COL5A3: variants seen among roughly 807,000 people sequenced by gnomAD.
The protein encoded by COL5A3 is collagen type V alpha 3 chain, also known as collagen alpha-3(V) chain.
A neutral mutation model predicts 250.0 loss-of-function variants in COL5A3; 172 were observed. The observed-to-expected ratio is 0.69, with a 90% CI of 0.61 to 0.78. COL5A3 has a LOEUF of 0.78. COL5A3 is among the 30% of genes least tolerant of loss of function. The pLI is 0.00. For synonymous variants in COL5A3, 937 were observed against 900.4 expected (o/e 1.04, Z -0.73); for missense variants, 2,340 against 2,334.4 (o/e 1.00, Z -0.05).
At chr19:9,963,561 T>TTGGGGGGGGGG (rs1555733032) in intron 64 of COL5A3, among the ~76,000 whole-genome samples, 1 of 40,120 alleles carries the variant, frequency 2.5e-5, no homozygotes, top group African/African-American at 8.0e-5. Context: ...CTGTTTTTTT[T>TTGGGGGGGGGG]GGGGGGGGGG....
intron 8 of COL5A3, among the ~76,000 whole-genome samples, chr19:10,000,079 C>T (rs1345493122): frequency 6.6e-6 from 1 of 151,824 alleles, no homozygotes; most frequent in Non-Finnish European, 1.5e-5. Flanking sequence ...TTGATCTCTA[C>T]CCTCTTCTCT....
Position 9,960,156 on chromosome 19 carries a change from G to T in COL5A3, c.*255C>A. ...AGGGGTGGGGAGGTGAGGCTTGGGT[G>T]GGGAGGGAGGGGAGAAAGAGCCAGA... On this transcript the variant is annotated 3_prime_UTR_variant, in exon 67 of 67. Transcript: ENST00000264828. 1 of 535,128 alleles carries T rather than the reference G, an allele frequency of 1.9e-6. No homozygotes were observed. Among genetic ancestry groups the T allele is most frequent in the Non-Finnish European group, 3.4e-6 (1 of 298,074 alleles). 33.1% of individuals were successfully genotyped at this position (535,128 alleles called of 1,614,324 possible). A position where few individuals can be genotyped will look rare whatever the true frequency, so the allele number is the denominator to read the frequency against.
chr19:10,003,460 G>A, intron 6 of COL5A3, 105 bp downstream of exon 6: 1 of 1,123,544 alleles, frequency 8.9e-7, no homozygotes, highest in East Asian at 2.4e-5. Flanking sequence ...CCAGAGATTA[G>A]TAGAGATGGG....
Position 9,974,409 on chromosome 19 carries a change from C to G in COL5A3, c.3343-1G>C, listed in dbSNP as rs754098596. On this transcript the variant is annotated splice_acceptor_variant, in intron 45 of 66. Transcript: ENST00000264828. LOFTEE classifies it high-confidence loss of function. The stretch of plus-strand genomic sequence containing the variant: ...GGCGCCCCTGAGCCCCGTCTGCTCC[C>G]TGGAAGAACACAAACAGGGGCACAT... 2.5e-6 allele frequency: 4 copies of G among 1,582,752 alleles called. No individual in the cohort carries two copies. Among genetic ancestry groups the G allele is most frequent in the Non-Finnish European group, 2.6e-6 (3 of 1,167,808 alleles).
rs748724681 is a variant in COL5A3 at position 9,970,671 on chromosome 19, G to A, written c.3887C>T (p.Pro1296Leu). 1.9e-5 allele frequency: 28 copies of A among 1,436,912 alleles called. No individual in the cohort carries two copies. The East Asian group carries it at 3.2e-4, about 16-fold the overall frequency. The allele number at this position is 1,436,912 out of a possible 1,614,324, so 89.0% of individuals were successfully genotyped here. The change falls in exon 54 of 67, where the codon CCG becomes CTG. Residue 1296 changes from proline to leucine, a missense_variant. This residue lies in a region of COL5A3 where 1,179 missense variants were observed against 1,162.6 expected (regional missense o/e 1.01). Coordinates refer to ENST00000264828, the MANE Select transcript of COL5A3 (RefSeq NM_015719.4). ...GDPGDVGGPG[P>L]PGASGEPGAP... ...GCCGGGCTCCCCAGAAGCTCCAGGC[G>A]GACCCTGGAGGAGACAAGGACACCA...
rs1157492119 is a variant in COL5A3, at chr19:9,967,407, G to A, written c.4405-7C>T. On this transcript the variant is annotated splice_region_variant and splice_polypyrimidine_tract_variant and intron_variant, in intron 61 of 66. Coordinates refer to ENST00000264828, the MANE Select transcript of COL5A3 (RefSeq NM_015719.4). ...CACGGGGGCCCATGGACCCCTGTAG[G>A]GAGAAGTCACTTGGAGAATGAACCC... 2.0e-6 allele frequency: 3 copies of A among 1,500,248 alleles called. No individual in the cohort carries two copies. Among genetic ancestry groups the A allele is most frequent in the Non-Finnish European group, 1.8e-6 (2 of 1,133,046 alleles). 92.9% of individuals were successfully genotyped at this position (1,500,248 alleles called of 1,614,324 possible).
At chr19:9,992,299 C>G (rs775658202) in intron 21 of COL5A3, among the ~76,000 whole-genome samples, 1 of 152,030 alleles carries the variant, frequency 6.6e-6, no homozygotes, top group African/African-American at 2.4e-5. Context: ...ATCTCAGCTA[C>G]TCAGGAGGCT....
At chr19:9,980,274 G>A (rs1194975069) in intron 35 of COL5A3, among the ~76,000 whole-genome samples, 1 of 152,226 alleles carries the variant, frequency 6.6e-6, no homozygotes, top group East Asian at 1.9e-4. Context: ...GCACAGAGTG[G>A]TTAAGTGACT....
chr19:10,003,725 G>T lies in COL5A3; in HGVS notation c.700-11C>A. 6.2e-7 allele frequency: 1 copy of T among 1,613,902 alleles called. No individual in the cohort carries two copies. ...TTCACCCTGGGGAGCCTGGGAGAAG[G>T]GTTCCAGTCAGGTCTAGAGCATCCC... On this transcript the variant is annotated splice_polypyrimidine_tract_variant and intron_variant, in intron 5 of 66. Coordinates refer to ENST00000264828, the MANE Select transcript of COL5A3 (RefSeq NM_015719.4).
At chr19:9,978,773 C>T (rs1473708918) in intron 40 of COL5A3, 118 bp downstream of exon 40, 2 of 935,712 alleles carry the variant, frequency 2.1e-6, no homozygotes, top group African/African-American at 1.7e-5. Context: ...GTTCCCTCCA[C>T]CATTTTTTTT....
At chr19:9,970,340 G>A (rs1472408098) in intron 54 of COL5A3, among the ~76,000 whole-genome samples, 80 of 97,224 alleles carry the variant, frequency 8.2e-4, no homozygotes, top group Non-Finnish European at 1.0e-3. Flanking sequence ...GTCTGTGGGT[G>A]AGTGTGTTCT....
chr19:9,985,075 G>T (rs1320267397), intron 31 of COL5A3, among the ~76,000 whole-genome samples: 2 of 149,206 alleles, frequency 1.3e-5, no homozygotes, highest in Non-Finnish European at 3.0e-5. Flanking sequence ...CAGCCTCTTG[G>T]GTAGCTGGGA....
At chr19:9,998,690 CTTT>C (rs112231822) in intron 8 of COL5A3, among the ~76,000 whole-genome samples, 5 of 144,998 alleles carry the variant, frequency 3.4e-5, no homozygotes, top group African/African-American at 1.0e-4. Flanking sequence ...TTTCTTTCTT[CTTT>C]TTTTTTTTTT....
At chr19:9,979,500 C>G in intron 37 of COL5A3, 83 bp from the exon 38 acceptor site, 4 of 1,469,914 alleles carry the variant, frequency 2.7e-6, no homozygotes, top group East Asian at 2.3e-5. Context: ...CTGATAGGAT[C>G]AGGAATCTGG....
At chr19:9,978,217 G>A (rs2145088724) in intron 41 of COL5A3, among the ~76,000 whole-genome samples, 1 of 152,060 alleles carries the variant, frequency 6.6e-6, no homozygotes, top group East Asian at 1.9e-4. Context: ...TCCCATCATG[G>A]CTATTTTACA....
intron 44 of COL5A3, 124 bp downstream of exon 44, chr19:9,977,105 G>A: frequency 1.1e-6 from 1 of 905,738 alleles, no homozygotes; most frequent in Non-Finnish European, 1.8e-6. Context: ...TTGTCAAGAT[G>A]GTACCCGAGA....
chr19:9,975,497 G>A (rs2086906878), intron 45 of COL5A3, among the ~76,000 whole-genome samples: 1 of 152,148 alleles, frequency 6.6e-6, no homozygotes, highest in Non-Finnish European at 1.5e-5. Context: ...AAGGTTGAGT[G>A]TATATTGGAC....
At chr19:9,991,588 G>A (rs773735362) in intron 24 of COL5A3, 22 bp downstream of exon 24, 56 of 1,570,420 alleles carry the variant, frequency 3.6e-5, no homozygotes, top group Non-Finnish European at 4.1e-5. Flanking sequence ...AGGAGGTCGC[G>A]GTAGGTGGAG....
intron 53 of COL5A3, 118 bp from the exon 54 acceptor site, chr19:9,970,793 T>C: frequency 1.0e-6 from 1 of 972,722 alleles, no homozygotes; most frequent in Non-Finnish European, 1.4e-6. Context: ...CACCGGGTAC[T>C]CCCACCTCCC....
Sources: gnomAD v4.1 joint callset for allele counts (sites outside exome capture counted in the v4.1 genomes callset) on GRCh38, gnomAD v4.1.1 for gene constraint, gnomAD v4.1.1 regional missense constraint, MANE v1.5 for transcripts, NCBI Gene and HGNC (gene_info 2026-07-23, HGNC 2026-07-21) for gene names.